The following LPP variants were observed in gnomAD, a reference collection of about 807,000 sequenced individuals.
LPP encodes LIM domain containing preferred translocation partner in lipoma.
A neutral mutation model predicts 60.4 loss-of-function variants in LPP; 38 were observed. The observed-to-expected ratio is 0.63, with a 90% CI of 0.49 to 0.83. LPP has a LOEUF of 0.83. LPP is among the 40% of genes least tolerant of loss of function. The pLI, the probability that LPP is intolerant of heterozygous loss-of-function variation, is 0.00. For missense variants in LPP, 902 were observed against 783.6 expected (o/e 1.15, Z -1.80); for synonymous variants, 328 against 290.8 (o/e 1.13, Z -1.30).
At chr3:188,383,391 T>C (rs1025650192) in intron 3 of LPP, among the ~76,000 whole-genome samples, 1 of 152,184 alleles carries the variant, frequency 6.6e-6, no homozygotes, top group African/African-American at 2.4e-5. Context: ...TTAATTTTAA[T>C]TGATTTTTGT....
At chr3:188,475,888 G>A (rs2149571435) in intron 4 of LPP, among the ~76,000 whole-genome samples, 1 of 152,270 alleles carries the variant, frequency 6.6e-6, no homozygotes, top group East Asian at 1.9e-4. Flanking sequence ...GGGCGACAGA[G>A]CAAAACTCTG....
chr3:188,559,378 G>A (rs969144062), intron 6 of LPP, among the ~76,000 whole-genome samples: 9 of 151,994 alleles, frequency 5.9e-5, no homozygotes, highest in East Asian at 1.9e-4. Flanking sequence ...TCAGGATCTC[G>A]TGTGAGTGTA....
At chr3:188,489,080 G>T (rs1807533716) in intron 5 of LPP, among the ~76,000 whole-genome samples, 1 of 152,168 alleles carries the variant, frequency 6.6e-6, no homozygotes, top group Non-Finnish European at 1.5e-5. Context: ...ACTTGCAAGA[G>T]AATTAGAGTT....
intron 7 of LPP, among the ~76,000 whole-genome samples, chr3:188,620,039 A>AT (rs1443332391): frequency 6.6e-6 from 1 of 151,882 alleles, no homozygotes; most frequent in African/African-American, 2.4e-5. Context: ...CTTTCCTCTG[A>AT]TTTTTTCTCA....
At chr3:188,346,879 T>C (rs1463497484) in intron 3 of LPP, among the ~76,000 whole-genome samples, 1 of 152,184 alleles carries the variant, frequency 6.6e-6, no homozygotes, top group Admixed American at 6.5e-5. Context: ...CTCTGAGTGT[T>C]AGGCTCGTTT....
intron 3 of LPP, among the ~76,000 whole-genome samples, chr3:188,348,249 C>T (rs914997532): frequency 2.6e-5 from 4 of 151,960 alleles, no homozygotes; most frequent in Admixed American, 2.0e-4. Context: ...TGGGTTCAAG[C>T]GATTCTCCTG....
chr3:188,798,622 G>A (rs891325338), intron 9 of LPP, among the ~76,000 whole-genome samples: 22 of 152,166 alleles, frequency 1.4e-4, no homozygotes, highest in African/African-American at 5.3e-4. Context: ...CTTATCGTAT[G>A]GGGTACAATG....
intron 9 of LPP, among the ~76,000 whole-genome samples, chr3:188,820,449 G>A (rs2151438235): frequency 6.6e-6 from 1 of 152,204 alleles, no homozygotes; most frequent in South Asian, 2.1e-4. Flanking sequence ...CTGTATCTGT[G>A]TGAATCTGTG....
chr3:188,535,806 C>T (rs1823423472), intron 6 of LPP, among the ~76,000 whole-genome samples: 1 of 152,032 alleles, frequency 6.6e-6, no homozygotes, highest in South Asian at 2.1e-4. Context: ...GAAATATCAA[C>T]TCTTTTTCTA....
intron 9 of LPP, among the ~76,000 whole-genome samples, chr3:188,767,136 A>G (rs961572308): frequency 5.9e-5 from 9 of 152,226 alleles, no homozygotes; most frequent in Admixed American, 2.6e-4. Flanking sequence ...GATGCATAGC[A>G]AATAAAATGG....
Position 188,826,126 on chromosome 3 carries a change from G to C in LPP, c.1411-40074G>C, listed in dbSNP as rs74389745. Among the ~76,000 whole-genome samples, 1,294 of 152,284 alleles carry C rather than the reference G, an allele frequency of 8.5e-3. 18 individuals carry two copies. The highest frequency in any genetic ancestry group is 0.03 in the African/African-American group (1,233 of 41,556). On this transcript the variant is annotated intron_variant, in intron 9 of 11. Coordinates refer to ENST00000617246, the MANE Select transcript of LPP (RefSeq NM_001375462.1). ...TTTTGGTTCAGGAGCAGCTGCAGAG[G>C]ATGAACTGGAGAGGACAGTCTACTT...
chr3:188,889,616 G>A lies in LPP; in HGVS notation c.*15137G>A. The A allele has an allele frequency of 4.4e-6, 1 of 226,664 alleles. No individual in the cohort carries two copies. The highest frequency in any genetic ancestry group is 8.8e-6 in the Non-Finnish European group (1 of 113,882). The allele number at this position is 226,664 out of a possible 1,614,324, so 14.0% of individuals were successfully genotyped here. On this transcript the variant is annotated 3_prime_UTR_variant, in exon 12 of 12. Coordinates refer to ENST00000617246, the MANE Select transcript of LPP (RefSeq NM_001375462.1). The stretch of plus-strand genomic sequence containing the variant: ...CCTAACCCAGTTTTACCAAATGGAA[G>A]TAAAAGGGGACAAACTATGGAAGAT...
intron 6 of LPP, among the ~76,000 whole-genome samples, chr3:188,570,520 G>T (rs1454583094): frequency 6.6e-6 from 1 of 151,956 alleles, no homozygotes; most frequent in Non-Finnish European, 1.5e-5. Flanking sequence ...AAGGACAATT[G>T]GTCTCAGGCA....
chr3:188,410,135 A>C (rs1249806133), intron 4 of LPP, among the ~76,000 whole-genome samples: 4 of 152,162 alleles, frequency 2.6e-5, no homozygotes, highest in Non-Finnish European at 5.9e-5. Context: ...CCTCAACAGC[A>C]CCTAGCAGGA....
intron 3 of LPP, among the ~76,000 whole-genome samples, chr3:188,395,343 C>T (rs869631): frequency 0.1 from 15,697 of 152,012 alleles, 2,523 homozygotes; most frequent in African/African-American, 0.34. Context: ...CTCAGCCTCC[C>T]GAGTAGCTGG....
chr3:188,463,582 T>C (rs1173340197), intron 4 of LPP, among the ~76,000 whole-genome samples: 1 of 152,176 alleles, frequency 6.6e-6, no homozygotes, highest in East Asian at 1.9e-4. Context: ...TTACCCATCT[T>C]TGCAATATCT....
At chr3:188,854,211 A>G (rs1028327486) in intron 9 of LPP, among the ~76,000 whole-genome samples, 1 of 151,752 alleles carries the variant, frequency 6.6e-6, no homozygotes, top group African/African-American at 2.4e-5. Flanking sequence ...AAAACCCTAT[A>G]CTCCCTGGCT....
intron 6 of LPP, among the ~76,000 whole-genome samples, chr3:188,581,199 A>C (rs186476611): frequency 8.5e-5 from 13 of 152,160 alleles, no homozygotes; most frequent in African/African-American, 2.6e-4. Flanking sequence ...AGGGCAAAAA[A>C]AGTCCAGGAA....
At chr3:188,864,772 G>A (rs1766171920) in intron 9 of LPP, among the ~76,000 whole-genome samples, 1 of 152,210 alleles carries the variant, frequency 6.6e-6, no homozygotes, top group South Asian at 2.1e-4. Context: ...TGGATACCAT[G>A]TAAAGAATAA....
Sources: gnomAD v4.1 joint callset for allele counts (sites outside exome capture counted in the v4.1 genomes callset) on GRCh38, gnomAD v4.1.1 for gene constraint, MANE v1.5 for transcripts, NCBI Gene and HGNC (gene_info 2026-07-23, HGNC 2026-07-21) for gene names.